The following ERBB4 variants were observed in gnomAD, a reference collection of about 807,000 sequenced individuals.
ERBB4 encodes the protein erb-b2 receptor tyrosine kinase 4, also known as receptor tyrosine-protein kinase erbB-4.
In ERBB4, 42 loss-of-function variants were observed where a neutral mutation model predicts 158.0. The ratio of observed to expected loss-of-function variants is 0.27; its 90% CI spans 0.21 to 0.34. The LOEUF is 0.34. Ranked by LOEUF, ERBB4 falls within the 10% of genes least tolerant of loss-of-function variation. The pLI is 1.00. For missense variants in ERBB4, 1,333 were observed against 1,624.1 expected, an observed-to-expected ratio of 0.82 and a Z score of 3.08; for synonymous variants, 583 against 558.7, an observed-to-expected ratio of 1.04 and a Z score of -0.61.
chr2:212,102,088 TTTTATATA>T (rs1288637264), intron 2 of ERBB4, among the ~76,000 whole-genome samples: 3 of 25,496 alleles, frequency 1.2e-4, no homozygotes, highest in African/African-American at 3.1e-4. Flanking sequence ...TGAAAATTTA[TTTTATATA>T]TATATATATA....
At chr2:212,436,236 A>C (rs2092132946) in intron 1 of ERBB4, among the ~76,000 whole-genome samples, 3 of 152,044 alleles carry the variant, frequency 2.0e-5, no homozygotes, top group Non-Finnish European at 1.5e-5. Flanking sequence ...GTAAGATCTT[A>C]AAACTGAACT....
intron 1 of ERBB4, among the ~76,000 whole-genome samples, chr2:212,231,822 G>T (rs2083675670): frequency 1.3e-5 from 2 of 151,888 alleles, no homozygotes; most frequent in Non-Finnish European, 2.9e-5. Context: ...AAAATGCTTT[G>T]GTTCATTTTT....
chr2:212,270,780 G>A (rs950942357), intron 1 of ERBB4, among the ~76,000 whole-genome samples: 34 of 151,738 alleles, frequency 2.2e-4, no homozygotes, highest in Non-Finnish European at 1.6e-4. Flanking sequence ...GAAAGCGGGG[G>A]AAATGAAGAA....
In ERBB4 at chr2:211,705,258, G is replaced by A. The variant is rs6723705; in HGVS notation, c.1198+60C>T. Reference sequence around the variant, plus strand: ...TGAGCCACGATGCCCAGTCAATCTTGTGTAATTTTTAAAAAAATTATATTG... The same window carrying A: ...TGAGCCACGATGCCCAGTCAATCTTATGTAATTTTTAAAAAAATTATATTG... On this transcript the variant is annotated intron_variant, in intron 10 of 27. Transcript: ENST00000342788. The A allele has an allele frequency of 0.55, 649,761 of 1,177,794 alleles. 189,710 individuals are homozygous for A. The highest frequency in any genetic ancestry group is 0.61 in the Non-Finnish European group (482,114 of 787,406). 73.0% of individuals were successfully genotyped at this position (1,177,794 alleles called of 1,614,324 possible).
At chr2:212,154,349 A>C (rs141055254) in intron 1 of ERBB4, among the ~76,000 whole-genome samples, 10 of 152,294 alleles carry the variant, frequency 6.6e-5, no homozygotes, top group Non-Finnish European at 1.3e-4. Flanking sequence ...TGATTTTTCT[A>C]TAAATTAAGG....
chr2:212,012,937 G>T (rs2076424642), intron 2 of ERBB4, among the ~76,000 whole-genome samples: 1 of 151,766 alleles, frequency 6.6e-6, no homozygotes, highest in Non-Finnish European at 1.5e-5. Flanking sequence ...TAGAGACGGG[G>T]TCTCACTCTG....
intron 20 of ERBB4, among the ~76,000 whole-genome samples, chr2:211,528,097 C>G (rs1285786880): frequency 6.6e-6 from 1 of 151,918 alleles, no homozygotes; most frequent in African/African-American, 2.4e-5. Flanking sequence ...CCAATGATCT[C>G]TTGCCTGCAA....
intron 1 of ERBB4, among the ~76,000 whole-genome samples, chr2:212,455,357 A>AAGG (rs1688233319): frequency 8.1e-6 from 1 of 123,194 alleles, no homozygotes; most frequent in Non-Finnish European, 2.1e-5. Context: ...TCACCCTCCT[A>AAGG]ATCTTATCGT....
intron 1 of ERBB4, among the ~76,000 whole-genome samples, chr2:212,438,320 A>G (rs2092181854): frequency 6.6e-6 from 1 of 152,124 alleles, no homozygotes; most frequent in South Asian, 2.1e-4. Context: ...ACGTTTATAA[A>G]TACCAGGAGA....
chr2:212,226,581 C>T (rs2083478434), intron 1 of ERBB4, among the ~76,000 whole-genome samples: 1 of 152,144 alleles, frequency 6.6e-6, no homozygotes. Context: ...CAATGGAGAA[C>T]AATCACTGAT....
At chr2:212,031,220 A>C (rs2076895758) in intron 2 of ERBB4, among the ~76,000 whole-genome samples, 5 of 152,144 alleles carry the variant, frequency 3.3e-5, no homozygotes, top group Admixed American at 2.0e-4. Context: ...TATTGAATTA[A>C]GGCTGTGACT....
chr2:211,791,164 G>A (rs1228679009), intron 3 of ERBB4, among the ~76,000 whole-genome samples: 2 of 151,900 alleles, frequency 1.3e-5, no homozygotes, highest in Non-Finnish European at 2.9e-5. Context: ...TAGAAGGACT[G>A]CCTAATGTTT....
chr2:212,332,019 TTAAC>T (rs1204757018), intron 1 of ERBB4, among the ~76,000 whole-genome samples: 1 of 152,018 alleles, frequency 6.6e-6, no homozygotes, highest in Non-Finnish European at 1.5e-5. Flanking sequence ...TCGAGAAAAA[TTAAC>T]TAATAAGATA....
intron 15 of ERBB4, among the ~76,000 whole-genome samples, chr2:211,665,011 TTC>T (rs2071574050): frequency 6.6e-6 from 1 of 152,232 alleles, no homozygotes; most frequent in Non-Finnish European, 1.5e-5. Context: ...GTCCTATCTT[TTC>T]TGAGATCTTG....
intron 20 of ERBB4, among the ~76,000 whole-genome samples, chr2:211,450,762 A>C (rs1024225704): frequency 1.8e-4 from 28 of 152,216 alleles, no homozygotes; most frequent in African/African-American, 6.7e-4. Context: ...CCACCCCTCC[A>C]TAAGTCTCTA....
intron 16 of ERBB4, among the ~76,000 whole-genome samples, chr2:211,645,299 GC>G (rs2070746705): frequency 6.6e-6 from 1 of 151,496 alleles, no homozygotes; most frequent in Non-Finnish European, 1.5e-5. Flanking sequence ...AGAGGGAGAA[GC>G]CCTCACAATC....
intron 1 of ERBB4, among the ~76,000 whole-genome samples, chr2:212,147,608 T>C (rs558885279): frequency 6.6e-6 from 1 of 152,182 alleles, no homozygotes; most frequent in South Asian, 2.1e-4. Flanking sequence ...AAAATCTCTG[T>C]AAACATATGA....
chr2:211,518,196 G>A (rs1333532916), intron 20 of ERBB4, among the ~76,000 whole-genome samples: 2 of 151,786 alleles, frequency 1.3e-5, no homozygotes, highest in Non-Finnish European at 2.9e-5. Context: ...TATAAAATGG[G>A]GGTAAAAATT....
intron 1 of ERBB4, among the ~76,000 whole-genome samples, chr2:212,332,914 C>G (rs182153331): frequency 2.0e-4 from 31 of 152,006 alleles, no homozygotes; most frequent in Admixed American, 1.8e-3. Flanking sequence ...GATTTTTTCC[C>G]CTTCTTAGGA....
Sources: allele counts gnomAD v4.1 joint callset (sites outside exome capture counted in the v4.1 genomes callset), GRCh38; gene constraint gnomAD v4.1.1; transcripts MANE v1.5; gene names NCBI Gene and HGNC (gene_info 2026-07-23, HGNC 2026-07-21).